Variants in IPO7 observed in about 807,000 individuals in gnomAD.
IPO7 encodes importin 7, also known as importin-7.
IPO7 carries 13 observed loss-of-function variants against 136.4 expected under a neutral mutation model. The ratio of observed to expected loss-of-function variants is 0.10; its 90% CI spans 0.06 to 0.15. IPO7 has a LOEUF of 0.15. IPO7 is among the 10% of genes least tolerant of loss of function. The probability of loss-of-function intolerance (pLI) is 1.00; values close to 1 mark genes in which losing one functional copy is unlikely to be tolerated. For synonymous variants in IPO7, 403 were observed against 404.4 expected, an observed-to-expected ratio of 1.00 and a Z score of 0.04; for missense variants, 857 against 1,240.6, an observed-to-expected ratio of 0.69 and a Z score of 4.65.
chr11:9,445,430 T>C lies in IPO7; in HGVS notation c.*236T>C, dbSNP rs1192744276. 2 of 371,448 alleles carry C rather than the reference T, an allele frequency of 5.4e-6. No individual in the cohort carries two copies. Among genetic ancestry groups the C allele is most frequent in the Non-Finnish European group, 9.8e-6 (2 of 205,060 alleles). 23.0% of individuals were successfully genotyped at this position (371,448 alleles called of 1,614,324 possible). On this transcript the variant is annotated 3_prime_UTR_variant, in exon 25 of 25. Transcript: ENST00000379719. ...TACCTTAGAGGGAGTATTTTCTTTATTTTTTGAAGAAAGTAAGATCCTGAC... is the reference window on the plus strand; with the variant it reads ...TACCTTAGAGGGAGTATTTTCTTTACTTTTTGAAGAAAGTAAGATCCTGAC...
intron 4 of IPO7, among the ~76,000 whole-genome samples, chr11:9,412,412 C>G (rs1468687137): frequency 6.6e-6 from 1 of 152,176 alleles, no homozygotes. Flanking sequence ...CAATTTAAAG[C>G]TGTTTTGATA....
At chr11:9,429,631 G>C (rs769499633) in intron 14 of IPO7, 43 bp from the exon 15 acceptor site, 1 of 1,529,344 alleles carries the variant, frequency 6.5e-7, no homozygotes, top group South Asian at 1.2e-5. Flanking sequence ...GTTTTAAGAA[G>C]TTTTAGGGGT....
intron 1 of IPO7, among the ~76,000 whole-genome samples, chr11:9,401,275 A>C (rs1854792358): frequency 1.3e-5 from 2 of 152,174 alleles, no homozygotes; most frequent in African/African-American, 4.8e-5. Flanking sequence ...TGACAGTATA[A>C]GTGGTGGTTA....
intron 1 of IPO7, among the ~76,000 whole-genome samples, chr11:9,389,206 A>G (rs1854594094): frequency 1.3e-5 from 2 of 151,884 alleles, no homozygotes; most frequent in Admixed American, 6.6e-5. Flanking sequence ...GTGCCACCAC[A>G]TCTGGCCAAT....
Position 9,420,499 on chromosome 11 carries a change from T to C in IPO7, c.815T>C (p.Phe272Ser), listed in dbSNP as rs749540625. The C allele has an allele frequency of 1.2e-6, 2 of 1,608,596 alleles. No homozygotes were observed. The highest frequency in any genetic ancestry group is 8.5e-7 in the Non-Finnish European group (1 of 1,175,390). Residue 272 changes from phenylalanine to serine, a missense_variant, in exon 7 of 25, where the codon TTT becomes TCT. Phe to Ser is a radical substitution (Grantham distance 155). Transcript: ENST00000379719. Reference protein sequence around the residue: ...KWALHILARLFERYGSPGNVS... With the variant: ...KWALHILARLSERYGSPGNVS... Reference sequence around the variant, plus strand: ...GCCTTACATATTTTAGCAAGACTTTTTGAAAGGTAATCTCATCCATATATG... The same window carrying C: ...GCCTTACATATTTTAGCAAGACTTTCTGAAAGGTAATCTCATCCATATATG...
chr11:9,431,019 A>G lies in IPO7; in HGVS notation c.1881+16A>G, dbSNP rs1242967039. On this transcript the variant is annotated intron_variant, in intron 16 of 24. Coordinates refer to ENST00000379719, the MANE Select transcript of IPO7 (RefSeq NM_006391.3). ...TCATAAAGAGGTAAGAAGATGATCTAGTGTTGCAGTTTTTCAAGCCATTTT... is the reference window on the plus strand; with the variant it reads ...TCATAAAGAGGTAAGAAGATGATCTGGTGTTGCAGTTTTTCAAGCCATTTT... 2 of 1,606,448 alleles carry G rather than the reference A, an allele frequency of 1.2e-6. No homozygotes were observed. The highest frequency in any genetic ancestry group is 1.7e-6 in the Non-Finnish European group (2 of 1,174,086).
chr11:9,404,817 T>C (rs12276413), intron 2 of IPO7, among the ~76,000 whole-genome samples: 7,279 of 152,140 alleles, frequency 0.048, 242 homozygotes, highest in South Asian at 0.078. Context: ...CTGCCTGCCT[T>C]GGCCTCCCAA....
At chr11:9,443,020 C>A (rs1855479872) in intron 24 of IPO7, among the ~76,000 whole-genome samples, 1 of 151,720 alleles carries the variant, frequency 6.6e-6, no homozygotes. Flanking sequence ...GAGACTCCAT[C>A]TCCAAAAAAA....
rs560295491 is a variant in IPO7 at position 9,448,018 on chromosome 11, G to C, written c.*2824G>C. On this transcript the variant is annotated 3_prime_UTR_variant, in exon 25 of 25. Coordinates refer to ENST00000379719, the MANE Select transcript of IPO7 (RefSeq NM_006391.3). ...AATTAATATGGAAAGTTAAAAAATGGATTACATTAGTATGACTAAACCATG... is the reference window on the plus strand; with the variant it reads ...AATTAATATGGAAAGTTAAAAAATGCATTACATTAGTATGACTAAACCATG... 3.3e-5 allele frequency: 5 copies of C among 152,222 alleles called. 1 individual carries two copies. The highest frequency in any genetic ancestry group is 1.9e-4 in the East Asian group (1 of 5,190). The allele number at this position is 152,222 out of a possible 1,614,324, so 9.4% of individuals were successfully genotyped here. A position where few individuals can be genotyped will look rare whatever the true frequency, so the allele number is the denominator to read the frequency against.
intron 3 of IPO7, among the ~76,000 whole-genome samples, chr11:9,409,572 G>A (rs1303545879): frequency 6.6e-6 from 1 of 152,032 alleles, no homozygotes; most frequent in Non-Finnish European, 1.5e-5. Context: ...TAGAGATGGG[G>A]TTTCACCATG....
intron 6 of IPO7, among the ~76,000 whole-genome samples, chr11:9,420,077 A>G (rs1855105184): frequency 1.3e-5 from 2 of 152,216 alleles, no homozygotes; most frequent in Non-Finnish European, 2.9e-5. Flanking sequence ...TAATCCCAGC[A>G]CTTTGGGAGG....
rs1310418971 is a variant in IPO7, at chr11:9,403,322, G to A, written c.117G>A (p.Leu39=). Residue 39 remains leucine, a synonymous_variant, in exon 2 of 25, where the codon CTG becomes CTA. Coordinates refer to ENST00000379719, the MANE Select transcript of IPO7 (RefSeq NM_006391.3). ...AHKSLNFVST[L]LQITMSEQLD... ...AGTCTCTGAATTTTGTCTCAACACT[G>A]CTCCAGATTACTATGTCGGAACAGC... 6.2e-6 allele frequency: 10 copies of A among 1,613,688 alleles called. No individual in the cohort carries two copies. The highest frequency in any genetic ancestry group is 8.5e-6 in the Non-Finnish European group (10 of 1,179,868).
chr11:9,433,251 G>T (rs1005205609), intron 16 of IPO7: 3 of 253,618 alleles, frequency 1.2e-5, no homozygotes, highest in Non-Finnish European at 1.5e-5. Flanking sequence ...TTCCCAAAGT[G>T]CTGGGATTAC....
At chr11:9,389,430 C>T (rs934169658) in intron 1 of IPO7, among the ~76,000 whole-genome samples, 3 of 152,150 alleles carry the variant, frequency 2.0e-5, no homozygotes, top group Non-Finnish European at 4.4e-5. Flanking sequence ...CATGTAACAG[C>T]AAATGTCTGT....
At chr11:9,436,444 TTG>T in intron 20 of IPO7, 78 bp downstream of exon 20, 1 of 937,384 alleles carries the variant, frequency 1.1e-6, no homozygotes, top group Non-Finnish European at 1.7e-6. Context: ...TTTTTGGCAT[TTG>T]TTGCATATTC....
intron 22 of IPO7, 35 bp from the exon 23 acceptor site, chr11:9,440,420 A>G (rs1263082771): frequency 1.8e-5 from 27 of 1,514,498 alleles, no homozygotes; most frequent in Admixed American, 1.7e-4. Flanking sequence ...AAAATATGTC[A>G]TTGTTATAAA....
At chr11:9,420,336 G>T in intron 6 of IPO7, 75 bp from the exon 7 acceptor site, 6 of 923,200 alleles carry the variant, frequency 6.5e-6, no homozygotes, top group Middle Eastern at 6.9e-4. Context: ...TCACATTTTT[G>T]TCAATCTATT....
chr11:9,426,923 T>C, intron 12 of IPO7, among the ~76,000 whole-genome samples: 1 of 149,400 alleles, frequency 6.7e-6, no homozygotes. Flanking sequence ...CCCCGCCATA[T>C]GCTGGAGTGC....
chr11:9,433,866 A>G lies in IPO7; in HGVS notation c.2074+20A>G. 1.2e-6 allele frequency: 2 copies of G among 1,602,268 alleles called. No individual in the cohort carries two copies. The highest frequency in any genetic ancestry group is 1.7e-6 in the Non-Finnish European group (2 of 1,176,522). Reference sequence around the variant, plus strand: ...TTACAGGTGAGTCAAAGCAGCATGGAAATACTGAGGGTTTTCCCTGCTTTG... The same window carrying G: ...TTACAGGTGAGTCAAAGCAGCATGGGAATACTGAGGGTTTTCCCTGCTTTG... On this transcript the variant is annotated intron_variant, in intron 18 of 24. Transcript: ENST00000379719.
Sources: gnomAD v4.1 joint callset for allele counts (sites outside exome capture counted in the v4.1 genomes callset) on GRCh38, gnomAD v4.1.1 for gene constraint, MANE v1.5 for transcripts, NCBI Gene and HGNC (gene_info 2026-07-23, HGNC 2026-07-21) for gene names.